Variants in DLG2 observed in about 807,000 individuals in gnomAD.
The protein encoded by DLG2 is discs large MAGUK scaffold protein 2.
DLG2 carries 45 observed loss-of-function variants against 132.5 expected under a neutral mutation model. The observed-to-expected ratio is 0.34, with a 90% CI of 0.27 to 0.44. DLG2 has a LOEUF of 0.44. Ranked by LOEUF, DLG2 falls within the 20% of genes least tolerant of loss-of-function variation. DLG2 has a pLI of 1.00. For synonymous variants in DLG2, 424 were observed against 419.6 expected, an observed-to-expected ratio of 1.01 and a Z score of -0.13; for missense variants, 1,045 against 1,196.9, an observed-to-expected ratio of 0.87 and a Z score of 1.87.
chr11:85,181,998 T>C (rs1017741681), intron 4 of DLG2, among the ~76,000 whole-genome samples: 9 of 151,956 alleles, frequency 5.9e-5, no homozygotes, highest in Admixed American at 3.9e-4. Flanking sequence ...TGTGGAAATT[T>C]GTATGGTGAT....
At chr11:84,717,248 TTAG>T (rs1343435142) in intron 6 of DLG2, among the ~76,000 whole-genome samples, 2 of 152,104 alleles carry the variant, frequency 1.3e-5, no homozygotes, top group African/African-American at 4.8e-5. Flanking sequence ...ATTTTCACAC[TTAG>T]TAGGTAATCT....
intron 7 of DLG2, among the ~76,000 whole-genome samples, chr11:84,359,437 A>T (rs1375494615): frequency 6.6e-6 from 1 of 151,926 alleles, no homozygotes; most frequent in Non-Finnish European, 1.5e-5. Flanking sequence ...TTGCCCTGAA[A>T]ATATAAAAGA....
chr11:84,536,147 AAAAAT>A (rs1390455775), intron 6 of DLG2, among the ~76,000 whole-genome samples: 1 of 152,112 alleles, frequency 6.6e-6, no homozygotes, highest in Non-Finnish European at 1.5e-5. Context: ...CTCTCTCAAC[AAAAAT>A]AACAATGCCA....
intron 7 of DLG2, among the ~76,000 whole-genome samples, chr11:84,370,357 C>T (rs1341791815): frequency 6.6e-6 from 1 of 151,834 alleles, no homozygotes; most frequent in African/African-American, 2.4e-5. Flanking sequence ...CTTTAAAATC[C>T]ACCATTTCCA....
At chr11:84,186,367 G>T (rs1317515107) in intron 8 of DLG2, among the ~76,000 whole-genome samples, 1 of 151,816 alleles carries the variant, frequency 6.6e-6, no homozygotes, top group Non-Finnish European at 1.5e-5. Flanking sequence ...AAAAATGAAT[G>T]CAAATATAAA....
chr11:84,363,321 T>C (rs1342506990), intron 7 of DLG2, among the ~76,000 whole-genome samples: 1 of 151,522 alleles, frequency 6.6e-6, no homozygotes, highest in Non-Finnish European at 1.5e-5. Context: ...TTGAGAAGTG[T>C]CTGTTCATGT....
chr11:84,468,530 A>T (rs1169931219), intron 7 of DLG2, among the ~76,000 whole-genome samples: 1 of 151,498 alleles, frequency 6.6e-6, no homozygotes, highest in Non-Finnish European at 1.5e-5. Flanking sequence ...CCACATTCTT[A>T]TATCTTTGCC....
chr11:84,666,902 T>C (rs759346179), intron 6 of DLG2, among the ~76,000 whole-genome samples: 1 of 152,154 alleles, frequency 6.6e-6, no homozygotes, highest in Non-Finnish European at 1.5e-5. Context: ...AGATCTAAGC[T>C]GCTAACCACT....
At chr11:84,979,453 T>C (rs2055404590) in intron 6 of DLG2, among the ~76,000 whole-genome samples, 1 of 152,196 alleles carries the variant, frequency 6.6e-6, no homozygotes, top group Non-Finnish European at 1.5e-5. Flanking sequence ...GTGGCACATA[T>C]ACACCATGGA....
chr11:83,608,066 C>T (rs1239111429), intron 19 of DLG2, among the ~76,000 whole-genome samples: 1 of 152,134 alleles, frequency 6.6e-6, no homozygotes, highest in Non-Finnish European at 1.5e-5. Flanking sequence ...CATATACATG[C>T]TTTTATTAAA....
intron 7 of DLG2, among the ~76,000 whole-genome samples, chr11:84,509,182 T>G (rs1224759925): frequency 2.0e-5 from 3 of 152,206 alleles, no homozygotes; most frequent in African/African-American, 7.2e-5. Context: ...ATATCATACA[T>G]TTGAAACTGT....
intron 11 of DLG2, among the ~76,000 whole-genome samples, chr11:84,040,751 T>C (rs976257467): frequency 1.0e-4 from 15 of 150,602 alleles, no homozygotes; most frequent in Admixed American, 1.3e-4. Flanking sequence ...TTTCCAATTC[T>C]GTGAAGAAAG....
intron 4 of DLG2, among the ~76,000 whole-genome samples, chr11:85,241,343 T>C (rs2075867820): frequency 6.6e-6 from 1 of 151,832 alleles, no homozygotes; most frequent in Non-Finnish European, 1.5e-5. Context: ...AAAATGTTGC[T>C]TTTATTTCTT....
At chr11:83,769,128 CT>C (rs2094272247) in intron 18 of DLG2, among the ~76,000 whole-genome samples, 1 of 152,082 alleles carries the variant, frequency 6.6e-6, no homozygotes. Flanking sequence ...TGATTTTTTT[CT>C]GAATCCTTGA....
chr11:83,596,245 CAT>C (rs1182680814), intron 19 of DLG2, among the ~76,000 whole-genome samples: 3 of 152,094 alleles, frequency 2.0e-5, no homozygotes, highest in Non-Finnish European at 4.4e-5. Context: ...TTAAAGTTGA[CAT>C]AATAAAAAAT....
At chr11:84,918,784 C>T (rs1313330997) in intron 6 of DLG2, among the ~76,000 whole-genome samples, 1 of 152,078 alleles carries the variant, frequency 6.6e-6, no homozygotes, top group Non-Finnish European at 1.5e-5. Flanking sequence ...GAGGTTTTTT[C>T]TTCCTTTTTT....
At chr11:83,930,276 T>C in intron 15 of DLG2, 52 bp downstream of exon 15, 1 of 1,599,568 alleles carries the variant, frequency 6.3e-7, no homozygotes, top group Non-Finnish European at 8.5e-7. Flanking sequence ...CATTTATCCT[T>C]GTGGAAGCAC....
At chr11:85,148,101 G>C (rs2076981683) in intron 5 of DLG2, among the ~76,000 whole-genome samples, 2 of 152,084 alleles carry the variant, frequency 1.3e-5, no homozygotes, top group South Asian at 4.1e-4. Context: ...TTCTATGGTT[G>C]CATATTATTC....
chr11:83,936,294 T>C (rs2081417717), intron 14 of DLG2, among the ~76,000 whole-genome samples: 1 of 152,214 alleles, frequency 6.6e-6, no homozygotes, highest in Non-Finnish European at 1.5e-5. Flanking sequence ...TAAAAGGTAA[T>C]TGATCCTCTT....
Sources: gnomAD v4.1 joint callset for allele counts (sites outside exome capture counted in the v4.1 genomes callset) on GRCh38, gnomAD v4.1.1 for gene constraint, MANE v1.5 for transcripts, NCBI Gene and HGNC (gene_info 2026-07-23, HGNC 2026-07-21) for gene names.